HDAC9: variants seen among roughly 807,000 people sequenced by gnomAD.
HDAC9 encodes histone deacetylase 9.
Under a neutral mutation model 139.4 loss-of-function variants are expected in HDAC9, and 41 were observed. The ratio of observed to expected loss-of-function variants is 0.29; its 90% CI spans 0.23 to 0.38. The LOEUF is 0.38. Ranked by LOEUF, HDAC9 falls within the 10% of genes least tolerant of loss-of-function variation. The pLI, the probability that HDAC9 is intolerant of heterozygous loss-of-function variation, is 1.00. For synonymous variants in HDAC9, 517 were observed against 476.2 expected (o/e 1.09, Z -1.12); for missense variants, 1,147 against 1,297.0 (o/e 0.88, Z 1.78).
intron 22 of HDAC9, among the ~76,000 whole-genome samples, chr7:18,913,616 A>G (rs1178741976): frequency 6.6e-6 from 1 of 152,102 alleles, no homozygotes; most frequent in African/African-American, 2.4e-5. Context: ...ATTAATATTG[A>G]CATCACAGCA....
intron 2 of HDAC9, among the ~76,000 whole-genome samples, chr7:18,208,843 A>C (rs1485315483): frequency 6.6e-6 from 1 of 152,222 alleles, no homozygotes; most frequent in Non-Finnish European, 1.5e-5. Flanking sequence ...GATACCACAT[A>C]ATTATGTGGC....
intron 1 of HDAC9, among the ~76,000 whole-genome samples, chr7:18,321,201 T>C (rs1160204177): frequency 1.3e-5 from 2 of 152,286 alleles, no homozygotes; most frequent in African/African-American, 4.8e-5. Flanking sequence ...GAAATTGTTC[T>C]TAGTATTTAC....
chr7:18,614,501 A>AT (rs922730499), intron 6 of HDAC9, among the ~76,000 whole-genome samples: 24 of 151,266 alleles, frequency 1.6e-4, no homozygotes, highest in African/African-American at 3.9e-4. Context: ...TTTCAGATGT[A>AT]TTTTTTTTTC....
chr7:18,589,432 G>A (rs1583762738), intron 3 of HDAC9, among the ~76,000 whole-genome samples: 1 of 152,098 alleles, frequency 6.6e-6, no homozygotes. Flanking sequence ...AACTTAAGAG[G>A]CTAAGGTGGG....
intron 1 of HDAC9, among the ~76,000 whole-genome samples, chr7:18,355,081 T>C (rs1180445068): frequency 6.6e-5 from 10 of 152,334 alleles, no homozygotes; most frequent in African/African-American, 2.4e-4. Context: ...CAAACAGAAG[T>C]GATGATAATT....
intron 1 of HDAC9, among the ~76,000 whole-genome samples, chr7:18,117,194 A>C (rs930873331): frequency 3.9e-5 from 6 of 152,186 alleles, no homozygotes; most frequent in African/African-American, 1.4e-4. Flanking sequence ...GATGTAATGA[A>C]GTTAAGATGA....
At chr7:18,113,390 C>T (rs1783758170) in intron 1 of HDAC9, among the ~76,000 whole-genome samples, 1 of 152,172 alleles carries the variant, frequency 6.6e-6, no homozygotes, top group Non-Finnish European at 1.5e-5. Flanking sequence ...GAAGGCGCCT[C>T]ATTGCATTTA....
At chr7:18,226,875 A>G (rs1460776233) in intron 2 of HDAC9, among the ~76,000 whole-genome samples, 1 of 152,202 alleles carries the variant, frequency 6.6e-6, no homozygotes, top group East Asian at 1.9e-4. Context: ...AAAGGGCAAC[A>G]GAAACATTTG....
intron 17 of HDAC9, among the ~76,000 whole-genome samples, chr7:18,822,420 T>A (rs925271077): frequency 2.0e-5 from 3 of 152,176 alleles, no homozygotes; most frequent in Non-Finnish European, 2.9e-5. Flanking sequence ...AATGGGGCGA[T>A]CACAGCTCAC....
chr7:18,118,794 C>T (rs1784180028), intron 1 of HDAC9, among the ~76,000 whole-genome samples: 1 of 152,144 alleles, frequency 6.6e-6, no homozygotes, highest in African/African-American at 2.4e-5. Context: ...ACTACAGTGA[C>T]ATGGATTAAT....
intron 2 of HDAC9, among the ~76,000 whole-genome samples, chr7:18,163,779 T>G (rs1787821626): frequency 6.6e-6 from 1 of 152,240 alleles, no homozygotes; most frequent in Admixed American, 6.5e-5. Context: ...TATATTTATT[T>G]GTATATAAAT....
At chr7:18,961,734 A>T (rs949284172) in intron 24 of HDAC9, among the ~76,000 whole-genome samples, 1 of 152,190 alleles carries the variant, frequency 6.6e-6, no homozygotes, top group African/African-American at 2.4e-5. Flanking sequence ...TAAAGTAGTT[A>T]CTATTTTCAT....
chr7:18,948,973 A>G, intron 23 of HDAC9: 1 of 387,524 alleles, frequency 2.6e-6, no homozygotes, highest in South Asian at 2.2e-5. Flanking sequence ...TCTTCACATA[A>G]TTGATGAAAT....
At chr7:18,346,595 G>GA (rs566367206) in intron 1 of HDAC9, among the ~76,000 whole-genome samples, 103 of 151,802 alleles carry the variant, frequency 6.8e-4, no homozygotes, top group African/African-American at 2.4e-3. Context: ...GTCATTAAAA[G>GA]AAAAAAAATC....
At chr7:18,716,162 T>C (rs1784685157) in intron 12 of HDAC9, among the ~76,000 whole-genome samples, 3 of 152,220 alleles carry the variant, frequency 2.0e-5, no homozygotes, top group African/African-American at 7.2e-5. Flanking sequence ...CAGAGCTCTA[T>C]TGTTCATCCT....
At chr7:18,903,582 G>T (rs1019450745) in intron 22 of HDAC9, among the ~76,000 whole-genome samples, 1 of 152,104 alleles carries the variant, frequency 6.6e-6, no homozygotes, top group African/African-American at 2.4e-5. Context: ...GCCAGCATGT[G>T]ACCCTGAAAA....
chr7:18,952,685 G>A (rs1030111212), intron 23 of HDAC9, among the ~76,000 whole-genome samples: 15 of 152,086 alleles, frequency 9.9e-5, no homozygotes, highest in African/African-American at 2.2e-4. Flanking sequence ...GTTCCTCTGA[G>A]TTAAGAGAGT....
chr7:18,328,505 GCTAA>G lies in HDAC9; in HGVS notation c.-42+37997_-42+38000del, dbSNP rs570381661. Reference sequence around the variant, plus strand: ...GAATACACACGTAAACCCACTCTGTGCTAACTAACTGAAAGTCACTTTATAGGGA... The same window carrying G: ...GAATACACACGTAAACCCACTCTGTGCTAACTGAAAGTCACTTTATAGGGA... On this transcript the variant is annotated intron_variant, in intron 1 of 3. Coordinates refer to the HDAC9 transcript ENST00000413509. 4.0e-3 allele frequency among the ~76,000 whole-genome samples: 607 copies of G among 152,020 alleles called. 4 individuals are homozygous for G. The highest frequency in any genetic ancestry group is 0.014 in the African/African-American group (573 of 41,536).
chr7:18,213,888 A>G (rs1199671741), intron 2 of HDAC9, among the ~76,000 whole-genome samples: 1 of 152,090 alleles, frequency 6.6e-6, no homozygotes, highest in Non-Finnish European at 1.5e-5. Flanking sequence ...TTGAGTCATA[A>G]TTTTTCCATA....
Sources: gnomAD v4.1 joint callset for allele counts (sites outside exome capture counted in the v4.1 genomes callset) on GRCh38, gnomAD v4.1.1 for gene constraint, MANE v1.5 for transcripts, NCBI Gene and HGNC (gene_info 2026-07-23, HGNC 2026-07-21) for gene names.